Variants in ASTN1 observed in about 807,000 individuals in gnomAD.
ASTN1 encodes the protein astrotactin-1.
Under a neutral mutation model 140.7 loss-of-function variants are expected in ASTN1, and 41 were observed. The ratio of observed to expected loss-of-function variants is 0.29; its 90% CI spans 0.23 to 0.38. ASTN1 has a LOEUF of 0.38. Ranked by LOEUF, ASTN1 falls within the 10% of genes least tolerant of loss-of-function variation. The pLI is 1.00. For synonymous variants in ASTN1, 640 were observed against 652.2 expected (o/e 0.98, Z 0.29); for missense variants, 1,479 against 1,678.8 (o/e 0.88, Z 2.08).
rs926198137 is a variant in ASTN1 at position 176,863,200 on chromosome 1, G to A, written c.*1084C>T. ...GGAATCCTCCTGCTTATGGTCATCA[G>A]AGAAACGATTTGCAAAACTAGCAAC... On this transcript the variant is annotated 3_prime_UTR_variant, in exon 23 of 23. Coordinates refer to ENST00000361833, the MANE Select transcript of ASTN1 (RefSeq NM_004319.3). 1.0e-5 allele frequency: 10 copies of A among 985,824 alleles called. No individual in the cohort carries two copies. In the African/African-American group the frequency reaches 1.7e-4, roughly 17 times the overall value. 61.1% of individuals were successfully genotyped at this position (985,824 alleles called of 1,614,324 possible). A position where few individuals can be genotyped will look rare whatever the true frequency, so the allele number is the denominator to read the frequency against.
chr1:177,162,375 T>G (rs1647431409), intron 1 of ASTN1, among the ~76,000 whole-genome samples: 1 of 152,178 alleles, frequency 6.6e-6, no homozygotes, highest in Non-Finnish European at 1.5e-5. Context: ...TCGATGCATT[T>G]AAATAGTGCA....
chr1:177,127,862 T>C (rs1681734601), intron 1 of ASTN1, among the ~76,000 whole-genome samples: 1 of 152,238 alleles, frequency 6.6e-6, no homozygotes, highest in South Asian at 2.1e-4. Context: ...ATGCAAAACG[T>C]AAATGTTTGC....
At chr1:177,088,647 A>T (rs1347966022) in intron 1 of ASTN1, among the ~76,000 whole-genome samples, 3 of 152,172 alleles carry the variant, frequency 2.0e-5, no homozygotes, top group Non-Finnish European at 4.4e-5. Flanking sequence ...ATTATATTAA[A>T]TATATTTAAA....
At chr1:177,025,412 G>T (rs1164315766) in intron 5 of ASTN1, among the ~76,000 whole-genome samples, 1 of 152,082 alleles carries the variant, frequency 6.6e-6, no homozygotes, top group Non-Finnish European at 1.5e-5. Context: ...GGAGGGAAGA[G>T]TGTTTTGTTT....
At chr1:177,111,488 T>C (rs1259571600) in intron 1 of ASTN1, among the ~76,000 whole-genome samples, 1 of 152,152 alleles carries the variant, frequency 6.6e-6, no homozygotes, top group Non-Finnish European at 1.5e-5. Context: ...GATGCTGTTG[T>C]TCAAAGACCA....
rs369846787 is a variant in ASTN1, at chr1:176,894,729, T to G, written c.2773A>C (p.Met925Leu). The G allele has an allele frequency of 4.3e-6, 7 of 1,614,050 alleles. No homozygotes were observed. The highest frequency in any genetic ancestry group is 5.9e-6 in the Non-Finnish European group (7 of 1,180,024). ...TSLSDSGTKH[M>L]AAGVRMECHS... ...CACTCCATGCGGACTCCAGCCGCCATGTGCTTGGTGCCGGAGTCTGACAAG... is the reference window on the plus strand; with the variant it reads ...CACTCCATGCGGACTCCAGCCGCCAGGTGCTTGGTGCCGGAGTCTGACAAG... Residue 925 changes from methionine to leucine, a missense_variant, in exon 17 of 23, where the codon ATG becomes CTG. Around this residue, in one of 3 missense-constraint regions of ASTN1, gnomAD observed 746 missense variants for 800.9 expected, o/e 0.93. Transcript: ENST00000361833.
At chr1:177,021,802 A>T (rs1489116235) in intron 7 of ASTN1, among the ~76,000 whole-genome samples, 1 of 152,152 alleles carries the variant, frequency 6.6e-6, no homozygotes, top group Non-Finnish European at 1.5e-5. Context: ...GATTGTCCCA[A>T]ATCCTTCCAA....
chr1:177,138,620 T>C (rs987834115), intron 1 of ASTN1, among the ~76,000 whole-genome samples: 6 of 152,190 alleles, frequency 3.9e-5, no homozygotes, highest in East Asian at 1.9e-4. Flanking sequence ...GGTTTTGCCA[T>C]GTTAATGTAC....
intron 11 of ASTN1, among the ~76,000 whole-genome samples, chr1:176,957,007 T>C (rs947895473): frequency 6.6e-6 from 1 of 152,100 alleles, no homozygotes; most frequent in Middle Eastern, 3.2e-3. Flanking sequence ...AAGGAATCCT[T>C]CTGCCTCAGC....
At chr1:177,110,692 C>T (rs1680783842) in intron 1 of ASTN1, among the ~76,000 whole-genome samples, 1 of 152,134 alleles carries the variant, frequency 6.6e-6, no homozygotes, top group Non-Finnish European at 1.5e-5. Context: ...GCTGCATTTT[C>T]TAGATAAGGT....
At chr1:177,145,614 C>A (rs1366854340) in intron 1 of ASTN1, among the ~76,000 whole-genome samples, 1 of 152,262 alleles carries the variant, frequency 6.6e-6, no homozygotes, top group Middle Eastern at 3.4e-3. Flanking sequence ...AGTTCAGGAA[C>A]AAAAACAGAC....
chr1:177,041,654 A>T (rs954011123), intron 2 of ASTN1, among the ~76,000 whole-genome samples: 1 of 152,260 alleles, frequency 6.6e-6, no homozygotes, highest in Admixed American at 6.5e-5. Context: ...ATGAAATAAA[A>T]TAATAACAAT....
chr1:177,108,550 T>C (rs1339939357), intron 1 of ASTN1, among the ~76,000 whole-genome samples: 2 of 152,090 alleles, frequency 1.3e-5, no homozygotes, highest in African/African-American at 4.8e-5. Context: ...GGCTGAATAA[T>C]ATTCCATTGT....
intron 1 of ASTN1, among the ~76,000 whole-genome samples, chr1:177,159,421 G>C (rs1647226855): frequency 6.6e-6 from 1 of 152,136 alleles, no homozygotes; most frequent in South Asian, 2.1e-4. Flanking sequence ...AAAAAAGAAG[G>C]AAAAGAAACA....
In ASTN1 at chr1:177,144,876, C is replaced by T. The variant is rs188999920; in HGVS notation, c.283+19518G>A. On this transcript the variant is annotated intron_variant, in intron 1 of 22. Transcript: ENST00000361833. Reference sequence around the variant, plus strand: ...AACTGGTGGGATCTGGCGTAAGCCACGAGTCCCTAAAACTCATCACCTCCA... The same window carrying T: ...AACTGGTGGGATCTGGCGTAAGCCATGAGTCCCTAAAACTCATCACCTCCA... Among the ~76,000 whole-genome samples the T allele has an allele frequency of 3.3e-5, 5 of 152,244 alleles. 1 individual carries two copies. In the East Asian group the frequency reaches 9.7e-4, roughly 29 times the overall value.
At chr1:176,971,248 C>T (rs374548692) in intron 8 of ASTN1, among the ~76,000 whole-genome samples, 1 of 152,200 alleles carries the variant, frequency 6.6e-6, no homozygotes, top group African/African-American at 2.4e-5. Context: ...TTCTGCTATG[C>T]AATTGGCTGA....
chr1:176,892,720 C>T (rs569942867), intron 17 of ASTN1, among the ~76,000 whole-genome samples: 5 of 152,232 alleles, frequency 3.3e-5, no homozygotes, highest in African/African-American at 1.2e-4. Flanking sequence ...CAATGATATG[C>T]CAGAGGTAGA....
intron 8 of ASTN1, among the ~76,000 whole-genome samples, chr1:176,969,546 G>A (rs1256134532): frequency 6.6e-6 from 1 of 152,146 alleles, no homozygotes; most frequent in African/African-American, 2.4e-5. Context: ...CTCAGCTTCT[G>A]TCTGCTTGTA....
At chr1:177,105,644 GA>G (rs139667650) in intron 1 of ASTN1, among the ~76,000 whole-genome samples, 12,760 of 143,820 alleles carry the variant, frequency 0.089, 588 homozygotes, top group Middle Eastern at 0.17. Context: ...TGGCTTCATG[GA>G]AAAAAAAAAA....
Sources: allele counts gnomAD v4.1 joint callset (sites outside exome capture counted in the v4.1 genomes callset), GRCh38; gene constraint gnomAD v4.1.1; regional missense constraint gnomAD v4.1.1; transcripts MANE v1.5; gene names NCBI Gene and HGNC (gene_info 2026-07-23, HGNC 2026-07-21).